Variants in NPSR1 observed in about 807,000 individuals in gnomAD.
NPSR1 encodes the protein neuropeptide S receptor.
In NPSR1, 48 loss-of-function variants were observed where a neutral mutation model predicts 46.9. The ratio of observed to expected loss-of-function variants is 1.02; its 90% CI spans 0.81 to 1.30. The LOEUF (loss-of-function observed/expected upper bound fraction) is 1.30, where lower values mean the gene tolerates loss of function less well. NPSR1 is among the 50% of genes most tolerant of loss of function. The probability of loss-of-function intolerance (pLI) is 0.00; values close to 1 mark genes in which losing one functional copy is unlikely to be tolerated. For synonymous variants in NPSR1, 176 were observed against 168.1 expected, an observed-to-expected ratio of 1.05 and a Z score of -0.36; for missense variants, 450 against 449.5, an observed-to-expected ratio of 1.00 and a Z score of -0.01.
At chr7:34,752,244 T>C (rs1785577753) in intron 2 of NPSR1, among the ~76,000 whole-genome samples, 1 of 152,170 alleles carries the variant, frequency 6.6e-6, no homozygotes, top group Non-Finnish European at 1.5e-5. Flanking sequence ...CCTAAATACC[T>C]TCCTCTGGAG....
intron 8 of NPSR1, chr7:34,878,065 T>G: frequency 6.4e-7 from 1 of 1,573,650 alleles, no homozygotes; most frequent in Non-Finnish European, 8.7e-7. Context: ...TAAGCCTTTC[T>G]TCTTTCCCAG....
At chr7:34,705,593 A>G (rs1012686438) in intron 2 of NPSR1, among the ~76,000 whole-genome samples, 1 of 140,548 alleles carries the variant, frequency 7.1e-6, no homozygotes, top group Non-Finnish European at 1.5e-5. Context: ...TTGTGTATGT[A>G]TGTTGATCTC....
intron 2 of NPSR1, among the ~76,000 whole-genome samples, chr7:34,747,073 C>G (rs1280526580): frequency 6.8e-6 from 1 of 147,252 alleles, no homozygotes; most frequent in Non-Finnish European, 1.5e-5. Flanking sequence ...TGCAGTGAGC[C>G]GAGACTGCGC....
At chr7:34,835,721 C>T (rs1004727309) in intron 6 of NPSR1, among the ~76,000 whole-genome samples, 2 of 152,192 alleles carry the variant, frequency 1.3e-5, no homozygotes, top group African/African-American at 4.8e-5. Context: ...CTGTACTCTT[C>T]TGCATGTCAG....
intron 2 of NPSR1, among the ~76,000 whole-genome samples, chr7:34,770,934 AGCCCATTCACTT>A (rs1786655087): frequency 6.6e-6 from 1 of 152,192 alleles, no homozygotes; most frequent in African/African-American, 2.4e-5. Flanking sequence ...AAAGAGGATG[AGCCCATTCACTT>A]TTTATAATGG....
intron 2 of NPSR1, among the ~76,000 whole-genome samples, chr7:34,738,404 C>G (rs1387677225): frequency 1.3e-5 from 2 of 152,154 alleles, no homozygotes; most frequent in Non-Finnish European, 2.9e-5. Context: ...TATTTCTTCT[C>G]AAATTATTTT....
At chr7:34,871,806 C>T (rs1791459489) in intron 8 of NPSR1, among the ~76,000 whole-genome samples, 1 of 151,978 alleles carries the variant, frequency 6.6e-6, no homozygotes, top group Admixed American at 6.5e-5. Context: ...CTCCCAAGGC[C>T]TTGGGCAGAC....
At chr7:34,662,382 C>T (rs899619151) in intron 1 of NPSR1, among the ~76,000 whole-genome samples, 1 of 149,530 alleles carries the variant, frequency 6.7e-6, no homozygotes, top group Non-Finnish European at 1.5e-5. Context: ...ATTAATATAA[C>T]AAAAGCAAAT....
At chr7:34,700,847 A>G (rs1793792658) in intron 2 of NPSR1, among the ~76,000 whole-genome samples, 1 of 152,228 alleles carries the variant, frequency 6.6e-6, no homozygotes, top group Non-Finnish European at 1.5e-5. Flanking sequence ...TAATGAATAT[A>G]AAGTGCCTAG....
intron 3 of NPSR1, among the ~76,000 whole-genome samples, chr7:34,792,806 C>G (rs1787998088): frequency 6.9e-6 from 1 of 145,152 alleles, no homozygotes; most frequent in South Asian, 2.2e-4. Context: ...ATTGCTTGAA[C>G]CCGGGGTGTC....
At position 34,792,675 on chromosome 7, in the gene NPSR1, G is replaced by GTA. The variant is rs796939122; in HGVS notation, c.384+14122_384+14123dup. 1.1e-3 allele frequency among the ~76,000 whole-genome samples: 93 copies of GTA among 81,268 alleles called. 3 individuals are homozygous for GTA. The highest frequency in any genetic ancestry group is 3.0e-3 in the African/African-American group (69 of 23,234). 53.3% of individuals were successfully genotyped at this position (81,268 alleles called of 152,430 possible). The stretch of plus-strand genomic sequence containing the variant: ...TATGTATATATATATTTATATATAT[G>GTA]TATATATATATATGTATATATATAC... On this transcript the variant is annotated intron_variant, in intron 3 of 8. Transcript: ENST00000360581.
chr7:34,696,078 T>TA (rs34574984), intron 2 of NPSR1, among the ~76,000 whole-genome samples: 5,679 of 113,826 alleles, frequency 0.05, 136 homozygotes, highest in African/African-American at 0.055. Context: ...GTTGATTTGA[T>TA]AAAAAAAAAA....
chr7:34,714,874 A>G (rs1219030265), intron 2 of NPSR1, among the ~76,000 whole-genome samples: 2 of 152,252 alleles, frequency 1.3e-5, no homozygotes, highest in African/African-American at 4.8e-5. Context: ...TAAGACCACA[A>G]GCATATCTAT....
chr7:34,693,064 T>C (rs1305603422), intron 2 of NPSR1, among the ~76,000 whole-genome samples: 2 of 152,116 alleles, frequency 1.3e-5, no homozygotes, highest in Admixed American at 6.5e-5. Context: ...TGAGATCTGG[T>C]GTTGCACCCC....
intron 2 of NPSR1, among the ~76,000 whole-genome samples, chr7:34,743,418 G>A (rs1785047357): frequency 6.6e-6 from 1 of 151,422 alleles, no homozygotes. Context: ...TTTTCCCCAT[G>A]ACTTGTTTTC....
At chr7:34,751,726 T>TC in intron 2 of NPSR1, 1 of 1,583,788 alleles carries the variant, frequency 6.3e-7, no homozygotes, top group African/African-American at 1.3e-5. Context: ...CTCCTTCGGG[T>TC]CCCCCTGACT....
intron 3 of NPSR1, 108 bp downstream of exon 3, chr7:34,778,673 C>T: frequency 3.1e-6 from 2 of 639,002 alleles, no homozygotes; most frequent in African/African-American, 1.9e-5. Context: ...CATCAAACTG[C>T]CCGCTTTCTC....
chr7:34,819,472 T>C (rs1242063936), intron 4 of NPSR1, among the ~76,000 whole-genome samples: 1 of 152,120 alleles, frequency 6.6e-6, no homozygotes, highest in Admixed American at 6.5e-5. Flanking sequence ...TTGGTGGGAG[T>C]GTACATTAGT....
At position 34,830,439 on chromosome 7, in the gene NPSR1, C is replaced by T. The variant is rs925042149; in HGVS notation, c.680+2837C>T. Among the ~76,000 whole-genome samples the T allele has an allele frequency of 4.6e-5, 7 of 151,830 alleles. 1 individual carries two copies. Among genetic ancestry groups the T allele is most frequent in the Admixed American group, 1.3e-4 (2 of 15,252 alleles). ...TGAATATATTTTATATGCTTTTTGCCATTTTTGTTTTTTTTAAAGTACTTA... is the reference window on the plus strand; with the variant it reads ...TGAATATATTTTATATGCTTTTTGCTATTTTTGTTTTTTTTAAAGTACTTA... On this transcript the variant is annotated intron_variant, in intron 5 of 8. Coordinates refer to ENST00000360581, the MANE Select transcript of NPSR1 (RefSeq NM_207172.2).
Sources: allele counts gnomAD v4.1 joint callset (sites outside exome capture counted in the v4.1 genomes callset), GRCh38; gene constraint gnomAD v4.1.1; transcripts MANE v1.5; gene names NCBI Gene and HGNC (gene_info 2026-07-23, HGNC 2026-07-21).